Variants in AMBRA1 observed in about 807,000 individuals in gnomAD.
AMBRA1 encodes the protein autophagy and beclin 1 regulator 1, also known as activating molecule in BECN1-regulated autophagy protein 1.
A neutral mutation model predicts 125.4 loss-of-function variants in AMBRA1; 47 were observed. That is an observed-to-expected ratio of 0.37 (90% CI 0.30 to 0.48). The LOEUF is 0.48. Ranked by LOEUF, AMBRA1 falls within the 20% of genes least tolerant of loss-of-function variation. The pLI, the probability that AMBRA1 is intolerant of heterozygous loss-of-function variation, is 0.99. For missense variants in AMBRA1, 1,331 were observed against 1,693.4 expected (o/e 0.79, Z 3.76); for synonymous variants, 626 against 655.5 (o/e 0.95, Z 0.69).
At chr11:46,451,787 T>C (rs1275330565) in intron 11 of AMBRA1, 2 of 151,018 alleles carry the variant, frequency 1.3e-5, no homozygotes, top group Admixed American at 6.6e-5. Flanking sequence ...TTACTATCTT[T>C]CTGCTTGGCT....
chr11:46,439,068 C>T (rs942210396), intron 12 of AMBRA1, among the ~76,000 whole-genome samples: 13 of 151,950 alleles, frequency 8.6e-5, no homozygotes, highest in Admixed American at 3.9e-4. Flanking sequence ...GTCAGGAGCT[C>T]GAGACCAGCC....
intron 1 of AMBRA1, among the ~76,000 whole-genome samples, chr11:46,551,118 A>C (rs2042982530): frequency 6.6e-6 from 1 of 151,336 alleles, no homozygotes; most frequent in Admixed American, 6.6e-5. Context: ...AAAAAAAAGA[A>C]TAGATGTCCA....
chr11:46,462,904 C>T (rs1949157111), intron 11 of AMBRA1, among the ~76,000 whole-genome samples: 1 of 152,128 alleles, frequency 6.6e-6, no homozygotes, highest in Non-Finnish European at 1.5e-5. Context: ...CAGGCGTGCA[C>T]CACCATGTCT....
chr11:46,592,617 G>C (rs985096370), intron 1 of AMBRA1, among the ~76,000 whole-genome samples: 1 of 152,084 alleles, frequency 6.6e-6, no homozygotes, highest in Non-Finnish European at 1.5e-5. Flanking sequence ...AATTAGCCGA[G>C]TGTGGTGGCG....
At chr11:46,522,032 C>T (rs1004049434) in intron 7 of AMBRA1, among the ~76,000 whole-genome samples, 24 of 152,162 alleles carry the variant, frequency 1.6e-4, no homozygotes, top group African/African-American at 5.8e-4. Flanking sequence ...GGGCAGTGAG[C>T]GATAGATGGC....
chr11:46,397,964 G>C, intron 17 of AMBRA1, 21 bp from the exon 18 acceptor site: 4 of 1,565,492 alleles, frequency 2.6e-6, no homozygotes, highest in Non-Finnish European at 3.5e-6. Context: ...CAAAGCAGAA[G>C]AGAGAGCGAA....
At chr11:46,414,069 C>G (rs1384825745) in intron 15 of AMBRA1, among the ~76,000 whole-genome samples, 1 of 152,196 alleles carries the variant, frequency 6.6e-6, no homozygotes, top group Non-Finnish European at 1.5e-5. Flanking sequence ...CTTCCCCATG[C>G]TGAGACCTTC....
rs1477483525 is a variant in AMBRA1, at chr11:46,435,243, A to G, written c.2633-206T>C. Among the ~76,000 whole-genome samples the G allele has an allele frequency of 2.6e-5, 4 of 152,352 alleles. No homozygotes were observed. In the East Asian group the frequency reaches 7.7e-4, roughly 29 times the overall value. The stretch of plus-strand genomic sequence containing the variant: ...ATGTCTCTTCTCCCACCTTAGCAGG[A>G]AACTATAGGATAGTCAACACCACCA... On this transcript the variant is annotated intron_variant, in intron 12 of 17. Transcript: ENST00000683756.
intron 1 of AMBRA1, among the ~76,000 whole-genome samples, chr11:46,571,259 C>T (rs2043746871): frequency 1.3e-5 from 2 of 152,186 alleles, no homozygotes; most frequent in African/African-American, 4.8e-5. Flanking sequence ...AAAGCTCCTT[C>T]TCCAAAAATA....
Position 46,543,373 on chromosome 11 carries a change from A to G in AMBRA1, c.644T>C (p.Ile215Thr). Residue 215 changes from isoleucine to threonine, a missense_variant, in exon 7 of 18, where the codon ATA (isoleucine) becomes ACA (threonine). Ile to Thr is a moderately conservative substitution (Grantham distance 89). Around this residue, in one of 4 missense-constraint regions of AMBRA1, gnomAD observed 689 missense variants for 776.5 expected, o/e 0.89. Coordinates refer to ENST00000683756, the MANE Select transcript of AMBRA1 (RefSeq NM_001387011.1). ...QQGDDEPEIP[I>T]DGTELSHYRQ... ...GTAGTGGGATAATTCTGTTCCATCTATGGGGATCTCTGGTTCGTCATCACC... is the reference window on the plus strand; with the variant it reads ...GTAGTGGGATAATTCTGTTCCATCTGTGGGGATCTCTGGTTCGTCATCACC... The G allele has an allele frequency of 3.7e-6, 6 of 1,613,966 alleles. No individual in the cohort carries two copies. Among genetic ancestry groups the G allele is most frequent in the Non-Finnish European group, 5.1e-6 (6 of 1,179,944 alleles).
intron 1 of AMBRA1, among the ~76,000 whole-genome samples, chr11:46,585,555 A>T (rs529007574): frequency 2.1e-4 from 30 of 140,480 alleles, no homozygotes; most frequent in Middle Eastern, 3.7e-3. Flanking sequence ...AGTCCCAGCT[A>T]CTCAGGAGGC....
chr11:46,469,549 T>C (rs1949484137), intron 11 of AMBRA1, among the ~76,000 whole-genome samples: 1 of 152,188 alleles, frequency 6.6e-6, no homozygotes. Context: ...TATGAAAATA[T>C]GTACATTATA....
At chr11:46,529,448 G>A (rs546765426) in intron 7 of AMBRA1, among the ~76,000 whole-genome samples, 2 of 152,312 alleles carry the variant, frequency 1.3e-5, no homozygotes, top group South Asian at 4.1e-4. Flanking sequence ...TGGGTGGGGT[G>A]GTGGTGCGGG....
intron 11 of AMBRA1, chr11:46,451,873 A>G (rs1187765019): frequency 6.9e-6 from 1 of 144,712 alleles, no homozygotes; most frequent in Admixed American, 6.8e-5. Context: ...TGAGACTAGA[A>G]AGCCCAGGGC....
At position 46,547,128 on chromosome 11, in the gene AMBRA1, C is replaced by T. The variant is rs763900320; in HGVS notation, c.363G>A (p.Arg121=). The T allele has an allele frequency of 6.2e-7, 1 of 1,608,802 alleles. No individual in the cohort carries two copies. Among genetic ancestry groups the T allele is most frequent in the Admixed American group, 1.7e-5 (1 of 58,478 alleles). Residue 121 remains arginine, a synonymous_variant, in exon 4 of 18, where the codon AGG becomes AGA. Transcript: ENST00000683756. ...AAATACTCACGTGTAAATCCCAAAT[C>T]CTAACCTCCCCATCTAGGCAGCCAG... is the stretch of plus-strand genomic sequence containing the variant. ...IASGCLDGEV[R]IWDLHGGSES...
At chr11:46,492,156 G>A (rs1381737890) in intron 11 of AMBRA1, among the ~76,000 whole-genome samples, 1 of 152,232 alleles carries the variant, frequency 6.6e-6, no homozygotes, top group Non-Finnish European at 1.5e-5. Context: ...ACTAGGGCCA[G>A]AGCCTCCTCA....
At chr11:46,440,663 A>G (rs906821378) in intron 12 of AMBRA1, among the ~76,000 whole-genome samples, 8 of 152,250 alleles carry the variant, frequency 5.3e-5, no homozygotes, top group African/African-American at 1.7e-4. Flanking sequence ...TTCATTTTCA[A>G]TAAGGGAAAA....
In AMBRA1 at chr11:46,397,435, G is replaced by C. The variant is rs755331256; in HGVS notation, c.*15C>G. The C allele has an allele frequency of 5.4e-6, 8 of 1,487,734 alleles. No homozygotes were observed. The highest frequency in any genetic ancestry group is 7.2e-6 in the Non-Finnish European group (8 of 1,116,834). The allele number at this position is 1,487,734 out of a possible 1,614,324, so 92.2% of individuals were successfully genotyped here. ...CTTGGCGGTTCGAGGGGAGGCACCAGTGCAACGTTTGTCTCTACCTGTTCC... is the reference window on the plus strand; with the variant it reads ...CTTGGCGGTTCGAGGGGAGGCACCACTGCAACGTTTGTCTCTACCTGTTCC... On this transcript the variant is annotated 3_prime_UTR_variant, in exon 18 of 18. Transcript: ENST00000683756.
chr11:46,553,927 G>C (rs2043092275), intron 1 of AMBRA1, among the ~76,000 whole-genome samples: 1 of 152,034 alleles, frequency 6.6e-6, no homozygotes, highest in South Asian at 2.1e-4. Context: ...CCAACTTCCT[G>C]AATAGGCTAA....
Sources: allele counts gnomAD v4.1 joint callset (sites outside exome capture counted in the v4.1 genomes callset), GRCh38; gene constraint gnomAD v4.1.1; regional missense constraint gnomAD v4.1.1; transcripts MANE v1.5; gene names NCBI Gene and HGNC (gene_info 2026-07-23, HGNC 2026-07-21).